The following DPF3 variants were observed in gnomAD, a reference collection of about 807,000 sequenced individuals.
The protein encoded by DPF3 is zinc finger protein DPF3.
In DPF3, 18 loss-of-function variants were observed where a neutral mutation model predicts 56.8. That is an observed-to-expected ratio of 0.32 (90% confidence interval 0.22 to 0.47). The LOEUF (loss-of-function observed/expected upper bound fraction) is 0.47. Ranked by LOEUF, DPF3 falls within the 20% of genes least tolerant of loss-of-function variation. The pLI, the probability that DPF3 is intolerant of heterozygous loss-of-function variation, is 1.00. For synonymous variants in DPF3, 188 were observed against 180.2 expected (o/e 1.04, Z -0.35); for missense variants, 403 against 488.8 (o/e 0.82, Z 1.65).
At chr14:72,864,671 CGGATGGATGGATGGATGGAT>C (rs59858422) in intron 1 of DPF3, among the ~76,000 whole-genome samples, 10 of 151,166 alleles carry the variant, frequency 6.6e-5, no homozygotes, top group Non-Finnish European at 1.0e-4. Flanking sequence ...CAGTAATTAG[CGGATGGATGGATGGATGGAT>C]GGATGGATGG....
intron 7 of DPF3, among the ~76,000 whole-genome samples, chr14:72,675,118 G>A (rs758729425): frequency 1.1e-4 from 17 of 152,176 alleles, no homozygotes; most frequent in African/African-American, 2.2e-4. Flanking sequence ...AGACCGTCAC[G>A]AATAACTGAA....
At chr14:72,743,956 T>C (rs1890230669) in intron 3 of DPF3, among the ~76,000 whole-genome samples, 1 of 152,228 alleles carries the variant, frequency 6.6e-6, no homozygotes, top group Admixed American at 6.5e-5. Context: ...ATGTTGTGTG[T>C]GTTGTCCTTC....
intron 1 of DPF3, among the ~76,000 whole-genome samples, chr14:72,822,768 G>A (rs983313420): frequency 3.3e-5 from 5 of 152,140 alleles, no homozygotes; most frequent in African/African-American, 4.8e-5. Flanking sequence ...TTAGAAGGAA[G>A]GAGAGTATTA....
chr14:72,647,013 T>C (rs1885747099), intron 8 of DPF3, among the ~76,000 whole-genome samples: 1 of 152,170 alleles, frequency 6.6e-6, no homozygotes, highest in Admixed American at 6.5e-5. Flanking sequence ...CTCTTGCACA[T>C]CAGCAAGCTG....
At chr14:72,729,504 T>G (rs2139851886) in intron 4 of DPF3, among the ~76,000 whole-genome samples, 1 of 152,228 alleles carries the variant, frequency 6.6e-6, no homozygotes, top group African/African-American at 2.4e-5. Flanking sequence ...CGGTAGCGGG[T>G]TCTGAGCACA....
intron 6 of DPF3, among the ~76,000 whole-genome samples, chr14:72,706,657 AC>A (rs2153574763): frequency 6.6e-6 from 1 of 152,234 alleles, no homozygotes; most frequent in South Asian, 2.1e-4. Context: ...GCTCTCTGCA[AC>A]CTGGCAGACC....
intron 8 of DPF3, among the ~76,000 whole-genome samples, chr14:72,666,008 G>A (rs2153569826): frequency 6.6e-6 from 1 of 152,274 alleles, no homozygotes; most frequent in South Asian, 2.1e-4. Flanking sequence ...AGTTCTGACA[G>A]GAATCTTCCA....
chr14:72,737,608 A>G (rs562511692), intron 3 of DPF3, among the ~76,000 whole-genome samples: 1 of 152,232 alleles, frequency 6.6e-6, no homozygotes, highest in Non-Finnish European at 1.5e-5. Flanking sequence ...TGCCATATAG[A>G]AAACAGATTA....
chr14:72,658,660 C>A (rs891488425), intron 8 of DPF3, among the ~76,000 whole-genome samples: 1 of 152,196 alleles, frequency 6.6e-6, no homozygotes, highest in Non-Finnish European at 1.5e-5. Context: ...TCATCCCTAA[C>A]ATGTGCTGAA....
intron 9 of DPF3, among the ~76,000 whole-genome samples, chr14:72,623,617 T>C (rs1567179598): frequency 6.6e-6 from 1 of 152,206 alleles, no homozygotes; most frequent in Non-Finnish European, 1.5e-5. Context: ...TTTTGTAACA[T>C]GGTTGAAAGA....
chr14:72,699,711 G>A (rs1167949643), intron 6 of DPF3, among the ~76,000 whole-genome samples: 1 of 152,114 alleles, frequency 6.6e-6, no homozygotes, highest in Non-Finnish European at 1.5e-5. Flanking sequence ...TTGACTCACA[G>A]CAACCTGCAT....
At chr14:72,882,967 G>A (rs370489620) in intron 1 of DPF3, among the ~76,000 whole-genome samples, 2 of 152,188 alleles carry the variant, frequency 1.3e-5, no homozygotes, top group African/African-American at 4.8e-5. Flanking sequence ...TCGATGTAGG[G>A]AGGGAGTCAG....
At chr14:72,793,202 A>G (rs72730345) in intron 1 of DPF3, among the ~76,000 whole-genome samples, 22,268 of 152,220 alleles carry the variant, frequency 0.15, 1,749 homozygotes, top group Middle Eastern at 0.32. Context: ...GAGATCTGGA[A>G]AGAAAGGAAA....
chr14:72,831,569 A>C (rs1001810518), intron 1 of DPF3, among the ~76,000 whole-genome samples: 2 of 152,208 alleles, frequency 1.3e-5, no homozygotes, highest in African/African-American at 2.4e-5. Context: ...CCCTCGTTTC[A>C]TTGATGGGGA....
chr14:72,684,079 C>A lies in DPF3; in HGVS notation c.742+8997G>T, dbSNP rs540005341. ...ATATTTTCTTAGAAACAAGATCTCT[C>A]TCTGTCTCCCAGACTGGAGTGCAGT... On this transcript the variant is annotated intron_variant, in intron 7 of 10. Coordinates refer to ENST00000556509, the MANE Select transcript of DPF3 (RefSeq NM_001280542.3). Among the ~76,000 whole-genome samples, 8 of 152,298 alleles carry A rather than the reference C, an allele frequency of 5.3e-5. No homozygotes were observed. The South Asian group carries it at 1.7e-3, about 32-fold the overall frequency.
In DPF3 at chr14:72,756,958, A is replaced by AG. The variant is rs1338160998; in HGVS notation, c.194-3588_194-3587insC. 2.9e-3 allele frequency among the ~76,000 whole-genome samples: 345 copies of AG among 120,534 alleles called. 2 individuals carry two copies. Among genetic ancestry groups the AG allele is most frequent in the South Asian group, 7.3e-3 (24 of 3,292 alleles). The allele number at this position is 120,534 out of a possible 152,430, so 79.1% of individuals were successfully genotyped here. ...GAGAAGAGAAGAGAAAGGGAGAGGG[A>AG]AAGAGGGGGAGAGAGGGAAAGAGGG... On this transcript the variant is annotated intron_variant, in intron 2 of 10. Coordinates refer to ENST00000556509, the MANE Select transcript of DPF3 (RefSeq NM_001280542.3).
chr14:72,699,359 A>G (rs1437891652), intron 6 of DPF3, among the ~76,000 whole-genome samples: 1 of 151,770 alleles, frequency 6.6e-6, no homozygotes, highest in East Asian at 1.9e-4. Flanking sequence ...ATCTCTGCAA[A>G]AGACAATTCA....
At chr14:72,769,678 C>CAAAAAAA (rs59586674) in intron 2 of DPF3, among the ~76,000 whole-genome samples, 2 of 42,760 alleles carry the variant, frequency 4.7e-5, no homozygotes, top group South Asian at 7.7e-4. Context: ...GACTCCATCT[C>CAAAAAAA]AAAAAAAAAA....
intron 1 of DPF3, among the ~76,000 whole-genome samples, chr14:72,805,063 C>CACACACACACACACACACACAT: frequency 1.3e-5 from 2 of 151,474 alleles, no homozygotes; most frequent in African/African-American, 4.8e-5. Context: ...CACACACACA[C>CACACACACACACACACACACAT]ACACAAACAC....
Sources: allele counts gnomAD v4.1 joint callset (sites outside exome capture counted in the v4.1 genomes callset), GRCh38; gene constraint gnomAD v4.1.1; transcripts MANE v1.5; gene names NCBI Gene and HGNC (gene_info 2026-07-23, HGNC 2026-07-21).